Variants in PUDP observed in about 807,000 individuals in gnomAD.
The protein encoded by PUDP is pseudouridine-5'-phosphatase.
Under a neutral mutation model 9.4 loss-of-function variants are expected in PUDP, and 8 were observed. That is an observed-to-expected ratio of 0.85 (90% CI 0.50 to 1.53). The LOEUF (loss-of-function observed/expected upper bound fraction) is 1.53, where lower values mean the gene tolerates loss of function less well. PUDP is among the 40% of genes most tolerant of loss of function. The pLI, the probability that PUDP is intolerant of heterozygous loss-of-function variation, is 0.00. For missense variants in PUDP, 188 were observed against 189.7 expected (o/e 0.99, Z 0.05); for synonymous variants, 99 against 80.7 (o/e 1.23, Z -1.22).
At chrX:6,957,934 G>A (rs757414452) in intron 3 of PUDP, among the ~76,000 whole-genome samples, 1 of 111,992 alleles carries the variant, frequency 8.9e-6, no homozygotes, top group East Asian at 2.8e-4. Context: ...GTGGTCAGGA[G>A]TTCCAGACCA....
chrX:6,751,732 G>A (rs902943659), intron 3 of PUDP, among the ~76,000 whole-genome samples: 1 of 111,324 alleles, frequency 9.0e-6, no homozygotes, highest in Non-Finnish European at 1.9e-5. Context: ...TCTCACCTCA[G>A]AAATCCTCAT....
chrX:6,924,873 A>G (rs1411680286), intron 3 of PUDP, among the ~76,000 whole-genome samples: 2 of 112,481 alleles, frequency 1.8e-5, no homozygotes, highest in African/African-American at 3.2e-5. Flanking sequence ...CATTATACTC[A>G]TTTGGCCCAA....
intron 2 of PUDP, among the ~76,000 whole-genome samples, chrX:7,086,404 A>C (rs1931264125): frequency 8.9e-6 from 1 of 112,547 alleles, no homozygotes; most frequent in African/African-American, 3.2e-5. Flanking sequence ...GCTAATATAG[A>C]TTCTTGATTT....
At chrX:6,927,887 T>C (rs1463966312) in intron 3 of PUDP, among the ~76,000 whole-genome samples, 1 of 110,302 alleles carries the variant, frequency 9.1e-6, no homozygotes, top group African/African-American at 3.3e-5. Flanking sequence ...GAGATTAACT[T>C]GTAAAGAGTT....
chrX:6,915,292 A>C (rs1927912613), intron 3 of PUDP, among the ~76,000 whole-genome samples: 1 of 112,158 alleles, frequency 8.9e-6, no homozygotes, highest in Admixed American at 9.5e-5. Context: ...TTTTGCCTCC[A>C]GTTTTCCCAT....
intron 1 of PUDP, among the ~76,000 whole-genome samples, chrX:7,013,733 GGAGT>G (rs1385394160): frequency 8.9e-6 from 1 of 112,148 alleles, no homozygotes; most frequent in Non-Finnish European, 1.9e-5. Flanking sequence ...TGCGGGGGCT[GGAGT>G]GAGTGCTTTG....
At chrX:6,733,054 G>A (rs7059128) in intron 3 of PUDP, among the ~76,000 whole-genome samples, 4 of 111,789 alleles carry the variant, frequency 3.6e-5, no homozygotes, top group Non-Finnish European at 7.5e-5. Flanking sequence ...AGGGTGATGA[G>A]AAGGGGCATG....
At chrX:6,998,167 C>T (rs752000433) in intron 1 of PUDP, among the ~76,000 whole-genome samples, 1 of 111,464 alleles carries the variant, frequency 9.0e-6, no homozygotes, top group Non-Finnish European at 1.9e-5. Flanking sequence ...CTGGCTGTCT[C>T]CTGTTGGCCA....
rs750703177 is a variant in PUDP, at chrX:6,745,946, C to T, written c.*248-39480G>A. Among the ~76,000 whole-genome samples, 7 of 111,898 alleles carry T rather than the reference C, an allele frequency of 6.3e-5. No individual in the cohort carries two copies. The South Asian group carries it at 1.1e-3, about 18-fold the overall frequency. On this transcript the variant is annotated intron_variant and NMD_transcript_variant, in intron 3 of 3. Coordinates refer to the PUDP transcript ENST00000655425. ...GGCATGAGTCACTGCCCCCTGGCTC[C>T]CATGTCCTCTTTCATTGACCCAATC...
chrX:7,144,050 T>C (rs1176533178), intron 1 of PUDP, among the ~76,000 whole-genome samples: 2 of 111,841 alleles, frequency 1.8e-5, no homozygotes, highest in Non-Finnish European at 3.8e-5. Context: ...GGAGGGGAGA[T>C]TGTGATTACG....
chrX:6,985,403 C>A (rs1317460266), intron 1 of PUDP, among the ~76,000 whole-genome samples: 1 of 111,342 alleles, frequency 9.0e-6, no homozygotes, highest in Non-Finnish European at 1.9e-5. Flanking sequence ...CTCCTGCTAA[C>A]TCATGGAGGT....
intron 1 of PUDP, among the ~76,000 whole-genome samples, chrX:6,712,823 G>C (rs5989553): frequency 9.0e-6 from 1 of 111,526 alleles, no homozygotes. Flanking sequence ...TGAGGCGGGT[G>C]GATCACTTGA....
Position 7,105,798 on chromosome X carries a change from A to G in PUDP, c.102T>C (p.Cys34=), listed in dbSNP as rs368443728. The part of the protein sequence containing the change: ...RLYSVVFQEI[C]NRYDKKYSWD... Reference sequence around the variant, plus strand: ...AGCTGTATTTCTTGTCATAGCGATTACATATTTCTTGAAACACCACTGAAT... The same window carrying G: ...AGCTGTATTTCTTGTCATAGCGATTGCATATTTCTTGAAACACCACTGAAT... Residue 34 remains cysteine (C), a synonymous_variant, in exon 2 of 4, where the codon TGT becomes TGC. Coordinates refer to ENST00000381077, the MANE Select transcript of PUDP (RefSeq NM_012080.5). The G allele has an allele frequency of 5.0e-6, 6 of 1,206,836 alleles. No homozygotes were observed. The African/African-American group carries it at 1.1e-4, about 21-fold the overall frequency.
chrX:6,817,317 T>C (rs938043291), intron 3 of PUDP, among the ~76,000 whole-genome samples: 2 of 110,619 alleles, frequency 1.8e-5, no homozygotes, highest in Non-Finnish European at 3.8e-5. Flanking sequence ...AAGTGATCCT[T>C]TTGTCTTGGC....
chrX:6,841,973 T>C (rs897047980), intron 3 of PUDP, among the ~76,000 whole-genome samples: 3 of 111,343 alleles, frequency 2.7e-5, no homozygotes, highest in African/African-American at 9.8e-5. Context: ...GGGGAGTTCA[T>C]GTGTGTGCTG....
intron 3 of PUDP, among the ~76,000 whole-genome samples, chrX:6,775,447 G>T (rs751218139): frequency 3.9e-5 from 4 of 101,309 alleles, no homozygotes; most frequent in South Asian, 9.6e-4. Flanking sequence ...ATCTTTTGGG[G>T]CATGGATGGA....
chrX:6,787,463 A>G (rs773139000), intron 3 of PUDP, among the ~76,000 whole-genome samples: 1 of 111,427 alleles, frequency 9.0e-6, no homozygotes. Context: ...GCTGAAGACA[A>G]TTTTCACATT....
At chrX:6,820,851 T>C (rs1033964322) in intron 3 of PUDP, among the ~76,000 whole-genome samples, 8 of 110,938 alleles carry the variant, frequency 7.2e-5, no homozygotes, top group African/African-American at 2.6e-4. Flanking sequence ...CATTCTGGGG[T>C]CTAGAGGACG....
intron 3 of PUDP, among the ~76,000 whole-genome samples, chrX:6,741,815 TCTC>T (rs1924940359): frequency 1.0e-5 from 1 of 98,126 alleles, no homozygotes; most frequent in South Asian, 4.2e-4. Context: ...AATCTCTCTC[TCTC>T]TCTCTCTCTC....
Sources: gnomAD v4.1 joint callset for allele counts (sites outside exome capture counted in the v4.1 genomes callset) on GRCh38, gnomAD v4.1.1 for gene constraint, MANE v1.5 for transcripts, NCBI Gene and HGNC (gene_info 2026-07-23, HGNC 2026-07-21) for gene names.